The following ANTXR1 variants were observed in gnomAD, a reference collection of about 807,000 sequenced individuals.
The protein encoded by ANTXR1 is anthrax toxin receptor 1.
Under a neutral mutation model 78.1 loss-of-function variants are expected in ANTXR1, and 19 were observed. The ratio of observed to expected loss-of-function variants is 0.24; its 90% CI spans 0.17 to 0.36. ANTXR1 has a LOEUF of 0.36. ANTXR1 is among the 10% of genes least tolerant of loss of function. The pLI, the probability that ANTXR1 is intolerant of heterozygous loss-of-function variation, is 1.00. For missense variants in ANTXR1, 518 were observed against 718.6 expected (o/e 0.72, Z 3.19); for synonymous variants, 273 against 260.5 (o/e 1.05, Z -0.46).
Position 69,193,362 on chromosome 2 carries a change from C to T in ANTXR1, c.1381C>T (p.Leu461=). ...AAAACTCGATGCCTTGTGGGTCCTACTGAGGAAAGGATATGATCGTGTGTC... is the reference window on the plus strand; with the variant it reads ...AAAACTCGATGCCTTGTGGGTCCTATTGAGGAAAGGATATGATCGTGTGTC... The part of the protein sequence containing the change: ...KGKLDALWVL[L]RKGYDRVSVM... The change falls in exon 17 of 18, where the codon CTG becomes TTG. Residue 461 remains leucine (L), a synonymous_variant. Transcript: ENST00000303714. The T allele has an allele frequency of 6.2e-7, 1 of 1,613,790 alleles. No homozygotes were observed. Among genetic ancestry groups the T allele is most frequent in the Non-Finnish European group, 8.5e-7 (1 of 1,179,898 alleles).
intron 14 of ANTXR1, among the ~76,000 whole-genome samples, chr2:69,181,005 C>CTGGA (rs1674260324): frequency 6.6e-6 from 1 of 152,086 alleles, no homozygotes; most frequent in Non-Finnish European, 1.5e-5. Flanking sequence ...GGCAGGCAGG[C>CTGGA]TGGAGCTCAG....
intron 7 of ANTXR1, among the ~76,000 whole-genome samples, chr2:69,076,561 A>G (rs1670738135): frequency 6.6e-6 from 1 of 152,206 alleles, no homozygotes; most frequent in Non-Finnish European, 1.5e-5. Context: ...CAGTGAGAAT[A>G]GTATGTGCTC....
intron 14 of ANTXR1, among the ~76,000 whole-genome samples, chr2:69,175,949 AC>A (rs1327812142): frequency 6.6e-6 from 1 of 152,148 alleles, no homozygotes; most frequent in Admixed American, 6.5e-5. Context: ...CCTAATAGCA[AC>A]AGGTCTGGCA....
At position 69,125,115 on chromosome 2, in the gene ANTXR1, A is replaced by G. The variant is rs530708280; in HGVS notation, c.951+472A>G. The stretch of plus-strand genomic sequence containing the variant: ...AGGTCATTTTATTTAGGATGGGAGA[A>G]TTTGCAACTTGCTTATTATTGTGGA... On this transcript the variant is annotated intron_variant, in intron 12 of 17. Transcript: ENST00000303714. Among the ~76,000 whole-genome samples, 3 of 152,260 alleles carry G rather than the reference A, an allele frequency of 2.0e-5. No individual in the cohort carries two copies. The South Asian group carries it at 6.2e-4, about 32-fold the overall frequency.
chr2:69,218,442 A>G (rs1330156745), intron 17 of ANTXR1, among the ~76,000 whole-genome samples: 2 of 152,216 alleles, frequency 1.3e-5, no homozygotes, highest in African/African-American at 2.4e-5. Flanking sequence ...TCGGTGTAAA[A>G]GTAATCAACT....
chr2:69,171,373 C>T (rs1396049371), intron 14 of ANTXR1, among the ~76,000 whole-genome samples: 1 of 152,232 alleles, frequency 6.6e-6, no homozygotes, highest in Non-Finnish European at 1.5e-5. Context: ...GAAGAAAAAA[C>T]CTTCTTTACA....
At chr2:69,209,717 G>T (rs761488568) in intron 17 of ANTXR1, among the ~76,000 whole-genome samples, 1 of 152,268 alleles carries the variant, frequency 6.6e-6, no homozygotes, top group Non-Finnish European at 1.5e-5. Context: ...AGGCCTGCAA[G>T]GCTGGAAAGA....
intron 1 of ANTXR1, among the ~76,000 whole-genome samples, chr2:69,015,407 G>A (rs570728758): frequency 6.6e-6 from 1 of 152,128 alleles, no homozygotes; most frequent in East Asian, 1.9e-4. Context: ...CAAAGAATAG[G>A]TGGATAGAGT....
At chr2:69,213,863 CA>C (rs1429298634) in intron 17 of ANTXR1, among the ~76,000 whole-genome samples, 1 of 152,266 alleles carries the variant, frequency 6.6e-6, no homozygotes, top group Admixed American at 6.5e-5. Context: ...GTGACTTTTA[CA>C]AGTCGCAAGT....
chr2:69,082,016 T>C (rs1670913179), intron 8 of ANTXR1, among the ~76,000 whole-genome samples: 1 of 152,198 alleles, frequency 6.6e-6, no homozygotes, highest in South Asian at 2.1e-4. Context: ...ATGCCCACGA[T>C]GTGAATGCCC....
In ANTXR1 at chr2:69,124,650, C is replaced by A; in HGVS notation, c.951+7C>A. 1 of 1,613,560 alleles carries A rather than the reference C, an allele frequency of 6.2e-7. No individual in the cohort carries two copies. Among genetic ancestry groups the A allele is most frequent in the Non-Finnish European group, 8.5e-7 (1 of 1,179,452 alleles). On this transcript the variant is annotated splice_region_variant and intron_variant, in intron 12 of 17. Coordinates refer to ENST00000303714, the MANE Select transcript of ANTXR1 (RefSeq NM_032208.3). ...CATCACCACCACACACTGTGTAAGT[C>A]ATAACCTTTCCCTTTACTAAAGATC...
chr2:69,059,859 A>G (rs1670183325), intron 3 of ANTXR1, among the ~76,000 whole-genome samples: 1 of 152,200 alleles, frequency 6.6e-6, no homozygotes, highest in Admixed American at 6.5e-5. Context: ...TTAAATTGCT[A>G]AGTCTTAAGG....
chr2:69,089,190 CT>C (rs1459909943), intron 8 of ANTXR1, among the ~76,000 whole-genome samples: 1 of 152,210 alleles, frequency 6.6e-6, no homozygotes, highest in Non-Finnish European at 1.5e-5. Context: ...GTCAGAAAAT[CT>C]GAATTTTAGA....
intron 8 of ANTXR1, among the ~76,000 whole-genome samples, chr2:69,088,010 G>A (rs983265008): frequency 6.6e-6 from 1 of 152,174 alleles, no homozygotes; most frequent in Non-Finnish European, 1.5e-5. Context: ...TGGCTGTATT[G>A]CATCCTTCCA....
intron 17 of ANTXR1, among the ~76,000 whole-genome samples, chr2:69,211,564 T>C (rs1675044902): frequency 6.6e-6 from 1 of 152,266 alleles, no homozygotes; most frequent in African/African-American, 2.4e-5. Context: ...CAAATACATT[T>C]GGAAATTGTT....
chr2:69,230,061 C>A (rs574497639), intron 17 of ANTXR1, among the ~76,000 whole-genome samples: 1 of 152,196 alleles, frequency 6.6e-6, no homozygotes, highest in Admixed American at 6.6e-5. Flanking sequence ...CTGCATAATT[C>A]TTTGTCTTGC....
chr2:69,074,936 C>CA (rs1390281254), intron 6 of ANTXR1, among the ~76,000 whole-genome samples: 1 of 152,076 alleles, frequency 6.6e-6, no homozygotes, highest in African/African-American at 2.4e-5. Context: ...GAAGTTGAGC[C>CA]AAAATCTGGG....
At chr2:69,105,382 C>A (rs544560683) in intron 10 of ANTXR1, among the ~76,000 whole-genome samples, 6 of 152,294 alleles carry the variant, frequency 3.9e-5, no homozygotes, top group African/African-American at 1.4e-4. Flanking sequence ...GTGATTTGAT[C>A]ATATTCTATG....
chr2:69,238,936 A>C (rs1270932917), intron 17 of ANTXR1, among the ~76,000 whole-genome samples: 1 of 152,090 alleles, frequency 6.6e-6, no homozygotes, highest in African/African-American at 2.4e-5. Flanking sequence ...TGATGCCCAA[A>C]CAGATGTCTC....
Sources: gnomAD v4.1 joint callset for allele counts (sites outside exome capture counted in the v4.1 genomes callset) on GRCh38, gnomAD v4.1.1 for gene constraint, MANE v1.5 for transcripts, NCBI Gene and HGNC (gene_info 2026-07-23, HGNC 2026-07-21) for gene names.